Variants in MICALL1 observed in about 807,000 individuals in gnomAD.
The protein encoded by MICALL1 is MICAL-like protein 1.
Under a neutral mutation model 83.7 loss-of-function variants are expected in MICALL1, and 61 were observed. That is an observed-to-expected ratio of 0.73 (90% CI 0.59 to 0.90). The LOEUF is 0.90. Among genes scored for constraint, MICALL1 ranks in the 40% least tolerant of loss-of-function variants. The pLI is 0.00. For synonymous variants in MICALL1, 481 were observed against 473.6 expected, an observed-to-expected ratio of 1.02 and a Z score of -0.20; for missense variants, 1,066 against 1,152.0, an observed-to-expected ratio of 0.93 and a Z score of 1.08.
intron 9 of MICALL1, among the ~76,000 whole-genome samples, chr22:37,931,217 A>C (rs1929767784): frequency 1.3e-5 from 2 of 152,180 alleles, no homozygotes; most frequent in Non-Finnish European, 2.9e-5. Flanking sequence ...TGAAATGGTC[A>C]TTGTAATATC....
In MICALL1 at chr22:37,906,592, C is replaced by CG. The variant is rs1305068149; in HGVS notation, c.146+27dup. ...CTGTGAGTGCGGGGCCCCGGGCGAGCGGGCGGCGCGGGGCGGGCTGGGGCC... is the reference window on the plus strand; with the variant it reads ...CTGTGAGTGCGGGGCCCCGGGCGAGCGGGGCGGCGCGGGGCGGGCTGGGGCC... On this transcript the variant is annotated intron_variant, in intron 1 of 15. Coordinates refer to ENST00000215957, the MANE Select transcript of MICALL1 (RefSeq NM_033386.4). This position sits in a 1 kb window ranked among gnomAD's most constrained non-coding sequence, Gnocchi z 4.4. 1 of 1,123,038 alleles carries CG rather than the reference C, an allele frequency of 8.9e-7. No homozygotes were observed. The highest frequency in any genetic ancestry group is 1.1e-6 in the Non-Finnish European group (1 of 915,104). The allele number at this position is 1,123,038 out of a possible 1,614,324, so 69.6% of individuals were successfully genotyped here.
intron 15 of MICALL1, among the ~76,000 whole-genome samples, chr22:37,940,092 A>AG (rs770484757): frequency 6.6e-6 from 1 of 151,736 alleles, no homozygotes; most frequent in Non-Finnish European, 1.5e-5. Flanking sequence ...CTCAAAAAAA[A>AG]GAAAAAGAAA....
rs776575768 is a variant in MICALL1, at chr22:37,919,150, G to A, written c.541G>A (p.Gly181Ser). 21 of 1,548,574 alleles carry A rather than the reference G, an allele frequency of 1.4e-5. No individual in the cohort carries two copies. Among genetic ancestry groups the A allele is most frequent in the African/African-American group, 9.6e-5 (7 of 73,054 alleles). The stretch of plus-strand genomic sequence containing the variant: ...CTTGGTGCAGCGCTACCTGGCTGAC[G>A]GCAGGCTGTACCATCGCCACTGCTT... Reference protein sequence around the residue: ...VHLVQRYLADGRLYHRHCFRC... With the variant: ...VHLVQRYLADSRLYHRHCFRC... The change falls in exon 5 of 16, where the codon GGC (glycine) becomes AGC (serine). Residue 181 changes from glycine (G) to serine (S), a missense_variant. By Grantham distance (56) the Gly-to-Ser change is moderately conservative. Transcript: ENST00000215957.
At position 37,932,193 on chromosome 22, in the gene MICALL1, C is replaced by T. The variant is rs141663496; in HGVS notation, c.2016+260C>T. On this transcript the variant is annotated intron_variant, in intron 10 of 15. Transcript: ENST00000215957. This position sits in a 1 kb window ranked among gnomAD's most constrained non-coding sequence, Gnocchi z 4.4. ...CTAACAAGTTCAAGTATCAAGCACT[C>T]ATGATAACACTGCTACTTAAGCTGA... Among the ~76,000 whole-genome samples the T allele has an allele frequency of 3.3e-5, 5 of 152,266 alleles. No homozygotes were observed. The highest frequency in any genetic ancestry group is 1.2e-4 in the African/African-American group (5 of 41,478).
At chr22:37,916,714 A>C (rs1323138084) in intron 3 of MICALL1, among the ~76,000 whole-genome samples, 1 of 152,176 alleles carries the variant, frequency 6.6e-6, no homozygotes, top group East Asian at 1.9e-4. Flanking sequence ...TCAGGGAGCC[A>C]GGGCAGGAGT....
In MICALL1 at chr22:37,922,396, G is replaced by A. The variant is rs774760497; in HGVS notation, c.994G>A (p.Glu332Lys). The A allele has an allele frequency of 6.5e-6, 10 of 1,533,840 alleles. No homozygotes were observed. In the South Asian group the frequency reaches 1.1e-4, roughly 17 times the overall value. ...RSSLQQENLV[E>K]QAGSSSLVNG... ...CAGTCTGCAGCAGGAGAACCTGGTG[G>A]AGCAGGCTGGCAGCAGCAGCCTGGT... is the stretch of plus-strand genomic sequence containing the variant. The change falls in exon 6 of 16, where the codon GAG (glutamate) becomes AAG (lysine). Residue 332 changes from glutamate to lysine, a missense_variant. Physicochemically the swap from Glu to Lys is moderately conservative, Grantham distance 56 (BLOSUM62 1). Transcript: ENST00000215957.
chr22:37,928,277 G>A (rs2145929500), intron 9 of MICALL1, among the ~76,000 whole-genome samples: 1 of 151,896 alleles, frequency 6.6e-6, no homozygotes, highest in Admixed American at 6.6e-5. Context: ...TGTGATCTCG[G>A]CTCTCTGCAA....
At chr22:37,936,107 T>C (rs1930107910) in intron 13 of MICALL1, among the ~76,000 whole-genome samples, 2 of 152,132 alleles carry the variant, frequency 1.3e-5, no homozygotes, top group African/African-American at 4.8e-5. Flanking sequence ...CACTCATCCC[T>C]GGAGCCTGCA....
chr22:37,914,893 C>T (rs933128181), intron 3 of MICALL1, among the ~76,000 whole-genome samples: 3 of 151,158 alleles, frequency 2.0e-5, no homozygotes, highest in African/African-American at 7.3e-5. Context: ...CTACCCTTCT[C>T]GGCCTCCCAA....
chr22:37,918,672 C>T (rs966388689), intron 4 of MICALL1, among the ~76,000 whole-genome samples: 7 of 152,198 alleles, frequency 4.6e-5, no homozygotes, highest in Non-Finnish European at 7.3e-5. Context: ...GGGGCTCCCC[C>T]GCAAAGGGGA....
intron 14 of MICALL1, 53 bp downstream of exon 14, chr22:37,937,247 C>A: frequency 2.9e-6 from 4 of 1,397,796 alleles, no homozygotes; most frequent in Non-Finnish European, 3.9e-6. Context: ...GCAGGTCAGG[C>A]TCTGGGCCTC....
rs1400475622 is a variant in MICALL1, at chr22:37,912,016, G to A, written c.195+16G>A. On this transcript the variant is annotated intron_variant, in intron 2 of 15. Transcript: ENST00000215957. ...TAACCGTTTGGTAAGTTCCCGGACA[G>A]GTGGAAGCCCAAGAGGCTCTGTGTA... The A allele has an allele frequency of 1.2e-6, 2 of 1,613,212 alleles. No homozygotes were observed. The highest frequency in any genetic ancestry group is 1.3e-5 in the African/African-American group (1 of 74,632).
chr22:37,910,444 C>T (rs573713877), intron 1 of MICALL1, among the ~76,000 whole-genome samples: 117 of 152,156 alleles, frequency 7.7e-4, no homozygotes, highest in African/African-American at 2.4e-3. Context: ...GTGTTTTCCT[C>T]GCCCTGTTGC....
In MICALL1 at chr22:37,919,166, G is replaced by A. The variant is rs951738168; in HGVS notation, c.557G>A (p.Arg186His). The change falls in exon 5 of 16, where the codon CGC becomes CAC. Residue 186 changes from arginine (R) to histidine (H), a missense_variant. Transcript: ENST00000215957. ...RYLADGRLYH[R>H]HCFRCRRCSS... ...CTGGCTGACGGCAGGCTGTACCATC[G>A]CCACTGCTTCCGGTGAGTGGCCAGG... 20 of 1,539,438 alleles carry A rather than the reference G, an allele frequency of 1.3e-5. No homozygotes were observed. The highest frequency in any genetic ancestry group is 9.9e-5 in the Admixed American group (5 of 50,644).
chr22:37,919,250 CGCCAGGCACCTT>C, intron 5 of MICALL1, 72 bp downstream of exon 5: 1 of 1,400,790 alleles, frequency 7.1e-7, no homozygotes, highest in Non-Finnish European at 9.4e-7. Context: ...ACACACAGTG[CGCCAGGCACCTT>C]GCCAGGCCCT....
At chr22:37,934,971 G>A (rs1930021762) in intron 13 of MICALL1, among the ~76,000 whole-genome samples, 1 of 149,736 alleles carries the variant, frequency 6.7e-6, no homozygotes, top group South Asian at 2.1e-4. Flanking sequence ...TCACTCTGTT[G>A]CCCAGGCTGG....
chr22:37,931,958 C>A, intron 10 of MICALL1, 25 bp downstream of exon 10: 1 of 1,610,372 alleles, frequency 6.2e-7, no homozygotes, highest in Non-Finnish European at 8.5e-7. Context: ...CCCCCCGAGA[C>A]CAGGCTGGCC....
At chr22:37,940,572 C>A in intron 15 of MICALL1, 137 bp from the exon 16 acceptor site, 1 of 1,053,714 alleles carries the variant, frequency 9.5e-7, no homozygotes, top group Non-Finnish European at 1.4e-6. Flanking sequence ...TCTTGTCCCT[C>A]CCAGGCTCCA....
chr22:37,928,845 T>C (rs892524509), intron 9 of MICALL1, among the ~76,000 whole-genome samples: 1 of 152,138 alleles, frequency 6.6e-6, no homozygotes, highest in Non-Finnish European at 1.5e-5. Context: ...CTATCCTGGC[T>C]GGGCGTGGTG....
Sources: allele counts gnomAD v4.1 joint callset (sites outside exome capture counted in the v4.1 genomes callset), GRCh38; gene constraint gnomAD v4.1.1; non-coding constraint Gnocchi (gnomAD v3.1); transcripts MANE v1.5; gene names NCBI Gene and HGNC (gene_info 2026-07-23, HGNC 2026-07-21).